DACH2: variants seen among roughly 807,000 people sequenced by gnomAD.
The protein encoded by DACH2 is dachshund homolog 2.
In DACH2, 17 loss-of-function variants were observed where a neutral mutation model predicts 35.8. That is an observed-to-expected ratio of 0.48 (90% CI 0.33 to 0.71). DACH2 has a LOEUF of 0.71. DACH2 is among the 30% of genes least tolerant of loss of function. DACH2 has a pLI of 0.02. For missense variants in DACH2, 469 were observed against 472.7 expected, an observed-to-expected ratio of 0.99 and a Z score of 0.07; for synonymous variants, 195 against 177.3, an observed-to-expected ratio of 1.10 and a Z score of -0.79.
chrX:86,577,975 T>A (rs2039456284), intron 3 of DACH2, among the ~76,000 whole-genome samples: 1 of 111,961 alleles, frequency 8.9e-6, no homozygotes, highest in Admixed American at 9.5e-5. Flanking sequence ...ATATCCTTTA[T>A]AATAAACTGG....
At chrX:86,765,706 T>G (rs1355831268) in intron 7 of DACH2, among the ~76,000 whole-genome samples, 7 of 96,235 alleles carry the variant, frequency 7.3e-5, no homozygotes, top group African/African-American at 1.5e-4. Context: ...TGGTTTTTTT[T>G]TTTTTTTTTT....
Position 86,166,997 on chromosome X carries a change from G to A in DACH2, c.488+17889G>A, listed in dbSNP as rs183189670. Among the ~76,000 whole-genome samples the A allele has an allele frequency of 6.4e-3, 707 of 111,151 alleles. 7 individuals are homozygous for A. Among genetic ancestry groups the A allele is most frequent in the African/African-American group, 0.022 (673 of 30,707 alleles). On this transcript the variant is annotated intron_variant, in intron 1 of 11. Coordinates refer to ENST00000373125, the MANE Select transcript of DACH2 (RefSeq NM_053281.3). ...TGAGGATTTTTGCATCAAATTCATA[G>A]GAGATATTGGATTGTAGTTTTCATT...
chrX:86,760,659 CTTCT>C (rs1186396320), intron 7 of DACH2, among the ~76,000 whole-genome samples: 1 of 111,555 alleles, frequency 9.0e-6, no homozygotes, highest in African/African-American at 3.3e-5. Flanking sequence ...TCTCACTGAG[CTTCT>C]TTAATATCGA....
intron 4 of DACH2, among the ~76,000 whole-genome samples, chrX:86,664,497 T>C (rs771550987): frequency 9.0e-6 from 1 of 111,606 alleles, no homozygotes; most frequent in African/African-American, 3.3e-5. Context: ...AGTTTTCTTA[T>C]AAATGCAAAC....
At chrX:86,664,943 T>G (rs1410402550) in intron 4 of DACH2, among the ~76,000 whole-genome samples, 3 of 111,889 alleles carry the variant, frequency 2.7e-5, no homozygotes, top group Non-Finnish European at 5.6e-5. Flanking sequence ...AGGCTGTTAT[T>G]TTAGTGTTAG....
chrX:86,764,815 C>T (rs2041916079), intron 7 of DACH2, among the ~76,000 whole-genome samples: 1 of 112,058 alleles, frequency 8.9e-6, no homozygotes. Context: ...AATTGCCTTC[C>T]ACAGTGGCTG....
chrX:86,802,714 C>T (rs764623883), intron 7 of DACH2, among the ~76,000 whole-genome samples: 4 of 110,519 alleles, frequency 3.6e-5, no homozygotes, highest in Non-Finnish European at 7.6e-5. Context: ...AGGTTGAAAG[C>T]TGCCACTGAG....
intron 2 of DACH2, among the ~76,000 whole-genome samples, chrX:86,433,083 A>G (rs1283828577): frequency 8.9e-6 from 1 of 112,052 alleles, no homozygotes; most frequent in Non-Finnish European, 1.9e-5. Context: ...GGGGATGGTG[A>G]TAACAATAGT....
In DACH2 at chrX:86,497,306, AC is replaced by A. The variant is rs756255159; in HGVS notation, c.528-16970del. Among the ~76,000 whole-genome samples the A allele has an allele frequency of 2.8e-4, 31 of 111,897 alleles. No homozygotes were observed. In the East Asian group the frequency reaches 2.8e-3, roughly 10 times the overall value. On this transcript the variant is annotated intron_variant, in intron 2 of 11. Transcript: ENST00000373125. ...AGGCCTTACAATATTGGTTTTAACA[AC>A]CCTTCCCGTGATGCTAATACTTGCT...
At chrX:86,347,436 T>A (rs73518181) in intron 1 of DACH2, among the ~76,000 whole-genome samples, 4,726 of 112,470 alleles carry the variant, frequency 0.042, 114 homozygotes, top group East Asian at 0.21. Flanking sequence ...ATTTCTATAG[T>A]TACAGTCTCA....
intron 2 of DACH2, among the ~76,000 whole-genome samples, chrX:86,491,013 A>G (rs2038085922): frequency 9.0e-6 from 1 of 111,303 alleles, no homozygotes; most frequent in Non-Finnish European, 1.9e-5. Flanking sequence ...TAGAGTTTGG[A>G]ATCATTAGCC....
chrX:86,442,170 A>AT (rs1336910324), intron 2 of DACH2, among the ~76,000 whole-genome samples: 14 of 109,697 alleles, frequency 1.3e-4, no homozygotes, highest in Admixed American at 4.9e-4. Flanking sequence ...ACCCAGCCTT[A>AT]TTTTTTGTCT....
chrX:86,800,935 G>A (rs2042287425), intron 7 of DACH2, among the ~76,000 whole-genome samples: 1 of 111,205 alleles, frequency 9.0e-6, no homozygotes, highest in Admixed American at 9.6e-5. Flanking sequence ...CGCCCAAAGT[G>A]CTGGGATTAC....
chrX:86,499,919 C>G (rs1159210396), intron 2 of DACH2, among the ~76,000 whole-genome samples: 1 of 111,113 alleles, frequency 9.0e-6, no homozygotes. Context: ...TTGCTGATTT[C>G]TGTGGTGTGA....
intron 3 of DACH2, among the ~76,000 whole-genome samples, chrX:86,548,667 C>A (rs2039007566): frequency 8.9e-6 from 1 of 111,745 alleles, no homozygotes; most frequent in South Asian, 3.7e-4. Flanking sequence ...TAGAGAATAC[C>A]AAAAGACAGC....
intron 2 of DACH2, among the ~76,000 whole-genome samples, chrX:86,441,453 CT>C (rs1350768151): frequency 9.6e-6 from 1 of 103,838 alleles, no homozygotes; most frequent in Non-Finnish European, 2.0e-5. Flanking sequence ...GGATTTTATT[CT>C]TTTTTATGAC....
At chrX:86,686,245 A>T (rs1372824884) in intron 4 of DACH2, among the ~76,000 whole-genome samples, 2 of 110,652 alleles carry the variant, frequency 1.8e-5, no homozygotes, top group African/African-American at 6.6e-5. Context: ...TTATTTATTT[A>T]TTTTTTGAGA....
chrX:86,301,697 C>T (rs1399204913), intron 1 of DACH2, among the ~76,000 whole-genome samples: 2 of 111,751 alleles, frequency 1.8e-5, no homozygotes, highest in Non-Finnish European at 3.8e-5. Context: ...AAATTAATAA[C>T]AGTAGTAAAA....
intron 7 of DACH2, among the ~76,000 whole-genome samples, chrX:86,777,933 T>C (rs2042052265): frequency 9.0e-6 from 1 of 111,490 alleles, no homozygotes; most frequent in Admixed American, 9.5e-5. Flanking sequence ...AAAGGGGGAA[T>C]TAAAATAAAA....
Sources: gnomAD v4.1 joint callset for allele counts (sites outside exome capture counted in the v4.1 genomes callset) on GRCh38, gnomAD v4.1.1 for gene constraint, MANE v1.5 for transcripts, NCBI Gene and HGNC (gene_info 2026-07-23, HGNC 2026-07-21) for gene names.